Variants in TNS1 observed in about 807,000 individuals in gnomAD.
TNS1 encodes the protein tensin-1.
TNS1 carries 62 observed loss-of-function variants against 168.6 expected under a neutral mutation model. The observed-to-expected ratio is 0.37, with a 90% CI of 0.30 to 0.45. TNS1 has a LOEUF of 0.45. Among genes scored for constraint, TNS1 ranks in the 20% least tolerant of loss-of-function variants. The pLI, the probability that TNS1 is intolerant of heterozygous loss-of-function variation, is 1.00. For missense variants in TNS1, 2,240 were observed against 2,339.4 expected, an observed-to-expected ratio of 0.96 and a Z score of 0.88; for synonymous variants, 934 against 933.2, an observed-to-expected ratio of 1.00 and a Z score of -0.02.
chr2:217,950,924 A>AGGGAAAATC (rs1183618801), intron 3 of TNS1, among the ~76,000 whole-genome samples: 1 of 151,680 alleles, frequency 6.6e-6, no homozygotes, highest in Non-Finnish European at 1.5e-5. Flanking sequence ...CCGGGCTCCG[A>AGGGAAAATC]GGGAAAATCT....
chr2:217,929,509 G>A (rs994639983), intron 3 of TNS1, among the ~76,000 whole-genome samples: 3 of 152,142 alleles, frequency 2.0e-5, no homozygotes, highest in Non-Finnish European at 2.9e-5. Flanking sequence ...ACAAAAGGCC[G>A]GGACAGGCAA....
chr2:217,903,471 C>G, intron 6 of TNS1: 1 of 1,248,662 alleles, frequency 8.0e-7, no homozygotes, highest in South Asian at 1.7e-5. Context: ...TATTCTTTTC[C>G]TCTCCGGGGA....
At chr2:218,031,457 CTGTG>C (rs201973022) in intron 1 of TNS1, among the ~76,000 whole-genome samples, 8 of 132,180 alleles carry the variant, frequency 6.1e-5, no homozygotes, top group African/African-American at 1.2e-4. Flanking sequence ...ATGAGCATGT[CTGTG>C]TGTGTGAGTG....
intron 1 of TNS1, among the ~76,000 whole-genome samples, chr2:218,031,708 AGG>A (rs911853908): frequency 6.6e-6 from 1 of 152,060 alleles, no homozygotes; most frequent in African/African-American, 2.4e-5. Flanking sequence ...CAAGAAAGAG[AGG>A]AAGAGGAGGT....
At chr2:217,894,905 C>T in intron 9 of TNS1, 101 bp downstream of exon 9, 1 of 1,181,564 alleles carries the variant, frequency 8.5e-7, no homozygotes, top group East Asian at 2.5e-5. Flanking sequence ...CTCTGACAAA[C>T]TGTCACAGCA....
chr2:217,849,755 T>C (rs910414433), intron 18 of TNS1: 19 of 985,238 alleles, frequency 1.9e-5, no homozygotes, highest in African/African-American at 7.0e-5. Flanking sequence ...TGAATGCCCA[T>C]AGAGGTATCA....
intron 4 of TNS1, among the ~76,000 whole-genome samples, chr2:217,915,030 C>T (rs950935388): frequency 2.0e-5 from 3 of 152,336 alleles, no homozygotes; most frequent in East Asian, 1.9e-4. Context: ...TGCTCAGCAT[C>T]CTCTTGGGAA....
Position 217,847,666 on chromosome 2 carries a change from T to G in TNS1, c.2851A>C (p.Thr951Pro). ...TGCTGAGGCCCTGGAGGGCTGTGGG[T>G]GGTCGGAAGGAAGGCAGGCAAGGAG... is the stretch of plus-strand genomic sequence containing the variant. The part of the protein sequence containing the change: ...SSSLPAFLPT[T>P]HSPPGPQQPP... Residue 951 changes from threonine (T) to proline (P), a missense_variant, in exon 19 of 33, where the codon ACC becomes CCC. By Grantham distance (38) the Thr-to-Pro change is conservative. Coordinates refer to ENST00000682258, the MANE Select transcript of TNS1 (RefSeq NM_001387777.1). 6.3e-7 allele frequency: 1 copy of G among 1,592,870 alleles called. No individual in the cohort carries two copies. Among genetic ancestry groups the G allele is most frequent in the Non-Finnish European group, 8.6e-7 (1 of 1,163,614 alleles).
Position 217,897,900 on chromosome 2 carries a change from G to A in TNS1, c.441C>T (p.Ile147=). The stretch of plus-strand genomic sequence containing the variant: ...CTGTGCTGGGGAAGGAGACAGCGAT[G>A]ATCCTCTCTGTGACGTACACCAGGT... The part of the protein sequence containing the change: ...ELDLVYVTER[I]IAVSFPSTAN... The change falls in exon 8 of 33, where the codon ATC becomes ATT. Residue 147 remains isoleucine (I), a synonymous_variant. Transcript: ENST00000682258. The A allele has an allele frequency of 6.2e-7, 1 of 1,613,742 alleles. No individual in the cohort carries two copies. Among genetic ancestry groups the A allele is most frequent in the Non-Finnish European group, 8.5e-7 (1 of 1,179,784 alleles).
At chr2:217,863,863 G>A (rs1191425477) in intron 18 of TNS1, among the ~76,000 whole-genome samples, 1 of 152,162 alleles carries the variant, frequency 6.6e-6, no homozygotes, top group African/African-American at 2.4e-5. Context: ...CCCGCTGCCT[G>A]GGGTGGGCAC....
chr2:217,809,788 A>G (rs1319304413), intron 30 of TNS1, 35 bp downstream of exon 30: 1 of 1,595,608 alleles, frequency 6.3e-7, no homozygotes, highest in East Asian at 2.2e-5. Context: ...CACAGGAAGG[A>G]GAACCCCACC....
intron 3 of TNS1, among the ~76,000 whole-genome samples, chr2:217,957,599 C>T (rs1261865258): frequency 6.6e-6 from 1 of 152,114 alleles, no homozygotes; most frequent in Non-Finnish European, 1.5e-5. Context: ...AGCACAGCTT[C>T]TATGTTCTTC....
chr2:217,930,284 C>T (rs779701673), intron 3 of TNS1, among the ~76,000 whole-genome samples: 4 of 152,374 alleles, frequency 2.6e-5, no homozygotes, highest in South Asian at 4.1e-4. Context: ...AGTTCTGCCG[C>T]GGCTGTGTCC....
chr2:217,911,522 CT>C (rs1954408341), intron 4 of TNS1, among the ~76,000 whole-genome samples: 1 of 152,236 alleles, frequency 6.6e-6, no homozygotes, highest in Non-Finnish European at 1.5e-5. Context: ...CCTGAGATGC[CT>C]TTTCATAAAC....
In TNS1 at chr2:217,858,492, C is replaced by G. The variant is rs1314002423; in HGVS notation, c.1430-9405G>C. 4 of 985,426 alleles carry G rather than the reference C, an allele frequency of 4.1e-6. No homozygotes were observed. In the African/African-American group the frequency reaches 5.2e-5, roughly 13 times the overall value. The allele number at this position is 985,426 out of a possible 1,614,324, so 61.0% of individuals were successfully genotyped here. A position where few individuals can be genotyped will look rare whatever the true frequency, so the allele number is the denominator to read the frequency against. ...AAACAACTGCCCAGCAGACACTTAC[C>G]CTCTGGAGGGAGGGAGGGAGAGGGA... On this transcript the variant is annotated intron_variant, in intron 18 of 32. Coordinates refer to ENST00000682258, the MANE Select transcript of TNS1 (RefSeq NM_001387777.1).
chr2:217,839,907 C>A (rs866277787), intron 19 of TNS1, among the ~76,000 whole-genome samples: 1 of 152,198 alleles, frequency 6.6e-6, no homozygotes, highest in African/African-American at 2.4e-5. Flanking sequence ...AGCCACACGG[C>A]GATCACACTA....
chr2:217,951,168 A>G (rs1957231010), intron 3 of TNS1, among the ~76,000 whole-genome samples: 2 of 152,204 alleles, frequency 1.3e-5, no homozygotes. Flanking sequence ...TTGGAAGTGC[A>G]CCGACCACAT....
chr2:217,983,540 G>C (rs917560280), intron 2 of TNS1, among the ~76,000 whole-genome samples: 3 of 152,166 alleles, frequency 2.0e-5, no homozygotes, highest in Non-Finnish European at 4.4e-5. Flanking sequence ...CTTGGCCCCA[G>C]CTCCCACCCC....
chr2:217,893,036 T>A, intron 10 of TNS1, 24 bp from the exon 11 acceptor site: 4 of 1,613,750 alleles, frequency 2.5e-6, no homozygotes, highest in Non-Finnish European at 3.4e-6. Flanking sequence ...AAACACAAAA[T>A]CATTTATTTC....
Sources: allele counts gnomAD v4.1 joint callset (sites outside exome capture counted in the v4.1 genomes callset), GRCh38; gene constraint gnomAD v4.1.1; transcripts MANE v1.5; gene names NCBI Gene and HGNC (gene_info 2026-07-23, HGNC 2026-07-21).